Variants in RABL3 observed in about 807,000 individuals in gnomAD.
RABL3 encodes rab-like protein 3.
A neutral mutation model predicts 31.8 loss-of-function variants in RABL3; 31 were observed. The observed-to-expected ratio is 0.97, with a 90% CI of 0.73 to 1.31. The LOEUF (loss-of-function observed/expected upper bound fraction) is 1.31. Ranked by LOEUF, RABL3 falls within the 40% of genes most tolerant of loss-of-function variation. The pLI, the probability that RABL3 is intolerant of heterozygous loss-of-function variation, is 0.00. For missense variants in RABL3, 263 were observed against 279.6 expected (o/e 0.94, Z 0.42); for synonymous variants, 97 against 99.9 (o/e 0.97, Z 0.18).
rs1350995293 is a variant in RABL3, at chr3:120,689,347, A to T, written c.*476T>A. On this transcript the variant is annotated 3_prime_UTR_variant, in exon 8 of 8. Transcript: ENST00000273375. ...TAAATAACACCATTTTGCATCTTTG[A>T]AAATGACAGAGATTGTTTGGGGTAG... The T allele has an allele frequency of 6.6e-6, 1 of 152,382 alleles. No individual in the cohort carries two copies. Among genetic ancestry groups the T allele is most frequent in the Non-Finnish European group, 1.5e-5 (1 of 68,160 alleles). The allele number at this position is 152,382 out of a possible 1,614,324, so 9.4% of individuals were successfully genotyped here. A position where few individuals can be genotyped will look rare whatever the true frequency, so the allele number is the denominator to read the frequency against.
chr3:120,730,696 T>C lies in RABL3; in HGVS notation c.138A>G (p.Arg46=). 6.2e-7 allele frequency: 1 copy of C among 1,605,702 alleles called. No individual in the cohort carries two copies. Among genetic ancestry groups the C allele is most frequent in the Non-Finnish European group, 8.5e-7 (1 of 1,174,508 alleles). ...AAACTAAAATATAAAAGACACATAC[T>C]CTGACATCCACTGAGCAGCCCACAG... ...SWTVGCSVDV[R]VHDYKEGTPE... The change falls in exon 2 of 8, where the codon AGA becomes AGG. Residue 46 remains arginine, a splice_region_variant and synonymous_variant. Coordinates refer to ENST00000273375, the MANE Select transcript of RABL3 (RefSeq NM_173825.5).
chr3:120,739,966 C>G (rs1461175994), intron 1 of RABL3, among the ~76,000 whole-genome samples: 2 of 152,154 alleles, frequency 1.3e-5, no homozygotes, highest in African/African-American at 4.8e-5. Context: ...AGTTGAAGTG[C>G]TAGGGAATAA....
chr3:120,699,727 A>G (rs977932131), intron 4 of RABL3, among the ~76,000 whole-genome samples: 3 of 152,180 alleles, frequency 2.0e-5, no homozygotes, highest in African/African-American at 7.2e-5. Context: ...ACAGCGCCTC[A>G]GCAAACTGTT....
chr3:120,694,258 GT>G, intron 5 of RABL3, 34 bp from the exon 6 acceptor site: 1 of 1,487,434 alleles, frequency 6.7e-7, no homozygotes, highest in South Asian at 1.2e-5. Context: ...ACAATTGAAA[GT>G]TAGGAAACCC....
At chr3:120,696,246 T>G (rs1255557304) in intron 5 of RABL3, among the ~76,000 whole-genome samples, 1 of 152,234 alleles carries the variant, frequency 6.6e-6, no homozygotes, top group African/African-American at 2.4e-5. Context: ...TAATTCTTAC[T>G]TTTCTACAGT....
intron 1 of RABL3, among the ~76,000 whole-genome samples, chr3:120,737,627 C>G (rs573403205): frequency 2.6e-4 from 39 of 152,292 alleles, no homozygotes; most frequent in Middle Eastern, 3.4e-3. Context: ...AGCTTTTCTG[C>G]TCTGTTTTTT....
chr3:120,742,616 G>T (rs556908697), upstream of RABL3: 18 of 1,100,410 alleles, frequency 1.6e-5, no homozygotes, highest in South Asian at 2.3e-4. Flanking sequence ...GAGCGTGACT[G>T]TCTTGATCGA....
intron 2 of RABL3, among the ~76,000 whole-genome samples, chr3:120,715,240 T>C (rs911730443): frequency 2.0e-5 from 3 of 152,246 alleles, no homozygotes; most frequent in East Asian, 1.9e-4. Flanking sequence ...TCTACAGCCA[T>C]AGAAATGCCC....
At chr3:120,716,625 A>AT (rs542845860) in intron 2 of RABL3, among the ~76,000 whole-genome samples, 481 of 151,398 alleles carry the variant, frequency 3.2e-3, no homozygotes, top group Non-Finnish European at 5.1e-3. Context: ...TAATAATAAA[A>AT]TTAAAAAAAA....
At chr3:120,712,366 A>G (rs1372393979) in intron 2 of RABL3, among the ~76,000 whole-genome samples, 2 of 152,188 alleles carry the variant, frequency 1.3e-5, no homozygotes, top group East Asian at 3.9e-4. Context: ...AAAATAACTT[A>G]TAATATGTGA....
At chr3:120,735,201 A>C (rs187965415) in intron 1 of RABL3, among the ~76,000 whole-genome samples, 1 of 146,928 alleles carries the variant, frequency 6.8e-6, no homozygotes, top group Non-Finnish European at 1.5e-5. Context: ...GTAGGCTATT[A>C]ATTATTGCCT....
intron 2 of RABL3, among the ~76,000 whole-genome samples, chr3:120,730,308 A>C (rs1263419384): frequency 6.6e-6 from 1 of 152,220 alleles, no homozygotes; most frequent in East Asian, 1.9e-4. Context: ...CCCAGACATG[A>C]AGCTCCAGGA....
chr3:120,689,572 T>C lies in RABL3; in HGVS notation c.*251A>G, dbSNP rs1462289733. On this transcript the variant is annotated 3_prime_UTR_variant, in exon 8 of 8. Coordinates refer to ENST00000273375, the MANE Select transcript of RABL3 (RefSeq NM_173825.5). ...CATTTACTGCATCATTTTGACAACA[T>C]CTCATATTTACACAAGGCTTTTACA... 1 of 351,308 alleles carries C rather than the reference T, an allele frequency of 2.8e-6. No homozygotes were observed. Among genetic ancestry groups the C allele is most frequent in the Non-Finnish European group, 5.2e-6 (1 of 192,750 alleles). 21.8% of individuals were successfully genotyped at this position (351,308 alleles called of 1,614,324 possible). A position where few individuals can be genotyped will look rare whatever the true frequency, so the allele number is the denominator to read the frequency against.
At chr3:120,699,802 T>A (rs1708475638) in intron 4 of RABL3, among the ~76,000 whole-genome samples, 1 of 152,194 alleles carries the variant, frequency 6.6e-6, no homozygotes. Context: ...ACCATTCTAT[T>A]TATTGCATCA....
intron 1 of RABL3, among the ~76,000 whole-genome samples, chr3:120,735,492 C>A (rs1356984854): frequency 3.3e-5 from 5 of 152,114 alleles, no homozygotes; most frequent in African/African-American, 9.7e-5. Context: ...TTTCAAAAAA[C>A]CAGCTCCTGG....
chr3:120,742,665 A>G (rs1285980938), upstream of RABL3: 4 of 716,326 alleles, frequency 5.6e-6, no homozygotes, highest in African/African-American at 1.8e-5. Context: ...GGTAAAAGGT[A>G]GCGGGGTGCT....
rs182521158 is a variant in RABL3 at position 120,692,276 on chromosome 3, G to A, written c.607-1789C>T. 2.6e-3 allele frequency among the ~76,000 whole-genome samples: 388 copies of A among 152,082 alleles called. 1 individual carries two copies. The highest frequency in any genetic ancestry group is 9.0e-3 in the African/African-American group (373 of 41,504). On this transcript the variant is annotated intron_variant, in intron 6 of 7. Coordinates refer to ENST00000273375, the MANE Select transcript of RABL3 (RefSeq NM_173825.5). ...TGCAGTGGTGCGATCTCGGCTCACT[G>A]CAAGCTCCACCTCCTGGGTTCACGC... is the stretch of plus-strand genomic sequence containing the variant.
chr3:120,731,359 T>C (rs1217967623), intron 1 of RABL3, among the ~76,000 whole-genome samples: 3 of 152,148 alleles, frequency 2.0e-5, no homozygotes, highest in East Asian at 3.9e-4. Flanking sequence ...GACACTCCAG[T>C]TGTCCCACAT....
chr3:120,738,278 C>T (rs898294315), intron 1 of RABL3, among the ~76,000 whole-genome samples: 45 of 152,234 alleles, frequency 3.0e-4, no homozygotes, highest in African/African-American at 8.4e-4. Context: ...AGCAAGGCTC[C>T]GTGGGTGTGG....
Sources: gnomAD v4.1 joint callset for allele counts (sites outside exome capture counted in the v4.1 genomes callset) on GRCh38, gnomAD v4.1.1 for gene constraint, MANE v1.5 for transcripts, NCBI Gene and HGNC (gene_info 2026-07-23, HGNC 2026-07-21) for gene names.